Variants in BABAM2 observed in about 807,000 individuals in gnomAD.
The protein encoded by BABAM2 is BRISC and BRCA1 A complex member 2.
BABAM2 carries 31 observed loss-of-function variants against 54.7 expected under a neutral mutation model. That is an observed-to-expected ratio of 0.57 (90% CI 0.43 to 0.77). BABAM2 has a LOEUF of 0.77. Ranked by LOEUF, BABAM2 falls within the 30% of genes least tolerant of loss-of-function variation. The probability of loss-of-function intolerance (pLI) is 0.00; values close to 1 mark genes in which losing one functional copy is unlikely to be tolerated. For missense variants in BABAM2, 364 were observed against 455.8 expected (o/e 0.80, Z 1.83); for synonymous variants, 167 against 162.9 (o/e 1.03, Z -0.19).
chr2:28,021,308 C>T (rs772378182), intron 4 of BABAM2, among the ~76,000 whole-genome samples: 2 of 152,078 alleles, frequency 1.3e-5, no homozygotes, highest in Non-Finnish European at 1.5e-5. Context: ...GTGGGAGAGG[C>T]AGCATAGAGT....
At chr2:28,200,556 C>A (rs1678150552) in intron 7 of BABAM2, among the ~76,000 whole-genome samples, 1 of 152,172 alleles carries the variant, frequency 6.6e-6, no homozygotes, top group African/African-American at 2.4e-5. Flanking sequence ...TGGGAGTTTG[C>A]TGGAGCAATT....
At chr2:27,939,788 A>C (rs1384706227) in intron 3 of BABAM2, among the ~76,000 whole-genome samples, 1 of 152,190 alleles carries the variant, frequency 6.6e-6, no homozygotes, top group Non-Finnish European at 1.5e-5. Flanking sequence ...AATCTGTTTC[A>C]TTGTAAGTAA....
At chr2:28,000,152 A>G (rs1169082713) in intron 4 of BABAM2, among the ~76,000 whole-genome samples, 3 of 152,328 alleles carry the variant, frequency 2.0e-5, no homozygotes, top group Non-Finnish European at 2.9e-5. Context: ...ATTATTAACT[A>G]AAGTCCGTAC....
At chr2:28,070,683 G>T (rs931101290) in intron 6 of BABAM2, among the ~76,000 whole-genome samples, 1 of 151,992 alleles carries the variant, frequency 6.6e-6, no homozygotes, top group African/African-American at 2.4e-5. Flanking sequence ...CCAAGTTGAA[G>T]TACTTTTCTT....
At chr2:28,276,765 A>G (rs1558493716) in intron 10 of BABAM2, among the ~76,000 whole-genome samples, 1 of 152,256 alleles carries the variant, frequency 6.6e-6, no homozygotes, top group African/African-American at 2.4e-5. Context: ...TCTAGTTTTC[A>G]TAAGCTGGCA....
At chr2:27,934,187 G>A (rs1221528619) in intron 3 of BABAM2, among the ~76,000 whole-genome samples, 2 of 151,704 alleles carry the variant, frequency 1.3e-5, no homozygotes, top group Non-Finnish European at 2.9e-5. Flanking sequence ...GGTAATTTTT[G>A]TACCATTTCA....
chr2:28,322,293 A>T lies in BABAM2; in HGVS notation c.1089-16157A>T, dbSNP rs878878859. On this transcript the variant is annotated intron_variant, in intron 11 of 11. Coordinates refer to ENST00000379624, the MANE Select transcript of BABAM2 (RefSeq NM_199191.3). The surrounding 1 kb of genome is among the most constrained non-coding windows in gnomAD (Gnocchi z 4.1). ...AGTATGAGCCACCAAGCTCCGCCCA[A>T]GGGTGACCACAGAAGTAGACAACTT... Among the ~76,000 whole-genome samples, 1 of 152,218 alleles carries T rather than the reference A, an allele frequency of 6.6e-6. No individual in the cohort carries two copies. The highest frequency in any genetic ancestry group is 6.5e-5 in the Admixed American group (1 of 15,290).
intron 8 of BABAM2, 72 bp downstream of exon 8, chr2:28,237,373 C>T (rs1478552556): frequency 4.8e-5 from 64 of 1,342,352 alleles, no homozygotes; most frequent in East Asian, 6.9e-5. Context: ...CCAAAATCAT[C>T]GTGCATGCTC....
intron 10 of BABAM2, among the ~76,000 whole-genome samples, chr2:28,250,412 C>G (rs1683341868): frequency 6.8e-6 from 1 of 147,790 alleles, no homozygotes; most frequent in South Asian, 2.1e-4. Flanking sequence ...AACATAATTG[C>G]CTTAAGATTA....
At chr2:27,965,321 C>T (rs1028783693) in intron 3 of BABAM2, among the ~76,000 whole-genome samples, 5 of 152,044 alleles carry the variant, frequency 3.3e-5, no homozygotes, top group Non-Finnish European at 1.5e-5. Context: ...GAGAAAATCA[C>T]TTAAAAATAT....
At chr2:27,933,626 G>C (rs776626956) in intron 3 of BABAM2, among the ~76,000 whole-genome samples, 2 of 151,714 alleles carry the variant, frequency 1.3e-5, no homozygotes, top group Non-Finnish European at 2.9e-5. Flanking sequence ...CCACCACCAC[G>C]CCCGGATAAT....
intron 7 of BABAM2, among the ~76,000 whole-genome samples, chr2:28,175,963 T>C (rs1039204876): frequency 2.6e-5 from 4 of 152,128 alleles, no homozygotes; most frequent in Non-Finnish European, 5.9e-5. Flanking sequence ...CAAATACCAC[T>C]GACACTGTTT....
chr2:28,090,322 G>A (rs1326373402), intron 6 of BABAM2, among the ~76,000 whole-genome samples: 1 of 152,136 alleles, frequency 6.6e-6, no homozygotes, highest in South Asian at 2.1e-4. Context: ...TTGGCTCACC[G>A]CAACCTCCCC....
chr2:28,315,226 A>G (rs1689430193), intron 11 of BABAM2, among the ~76,000 whole-genome samples: 1 of 151,592 alleles, frequency 6.6e-6, no homozygotes, highest in Non-Finnish European at 1.5e-5. Context: ...ACTGTCTAGT[A>G]GAGTTTTTTG....
At chr2:28,214,958 A>G (rs1255860964) in intron 7 of BABAM2, among the ~76,000 whole-genome samples, 1 of 152,104 alleles carries the variant, frequency 6.6e-6, no homozygotes, top group Non-Finnish European at 1.5e-5. Context: ...AGAGAAAGCA[A>G]TTTGGGATAT....
intron 6 of BABAM2, among the ~76,000 whole-genome samples, chr2:28,046,051 T>C (rs1424616894): frequency 6.6e-6 from 1 of 152,106 alleles, no homozygotes; most frequent in Non-Finnish European, 1.5e-5. Context: ...TTGGGAAAAA[T>C]CGCTTTTATT....
intron 6 of BABAM2, among the ~76,000 whole-genome samples, chr2:28,052,052 A>G (rs1419569458): frequency 6.6e-6 from 1 of 152,154 alleles, no homozygotes; most frequent in East Asian, 1.9e-4. Flanking sequence ...GATGATAGGG[A>G]TGGTGAGAGT....
rs150066877 is a variant in BABAM2 at position 28,048,094 on chromosome 2, A to G, written c.570+2295A>G. The stretch of plus-strand genomic sequence containing the variant: ...CTTCCTGAATTCCTAGGGTTAGGAT[A>G]CTCTTCACCAGCATCAATATAGTTT... On this transcript the variant is annotated intron_variant, in intron 6 of 11. Coordinates refer to ENST00000379624, the MANE Select transcript of BABAM2 (RefSeq NM_199191.3). Among the ~76,000 whole-genome samples the G allele has an allele frequency of 3.3e-5, 5 of 152,318 alleles. No homozygotes were observed. The East Asian group carries it at 9.6e-4, about 29-fold the overall frequency.
chr2:28,231,958 C>T (rs1369823923), intron 7 of BABAM2, among the ~76,000 whole-genome samples: 1 of 151,398 alleles, frequency 6.6e-6, no homozygotes, highest in Non-Finnish European at 1.5e-5. Flanking sequence ...TAGGCACATA[C>T]GATCATGCCT....
Sources: allele counts gnomAD v4.1 joint callset (sites outside exome capture counted in the v4.1 genomes callset), GRCh38; gene constraint gnomAD v4.1.1; non-coding constraint Gnocchi (gnomAD v3.1); transcripts MANE v1.5; gene names NCBI Gene and HGNC (gene_info 2026-07-23, HGNC 2026-07-21).